RBM4: variants seen among roughly 807,000 people sequenced by gnomAD.
RBM4 encodes the protein RNA binding motif protein 4, also known as RNA-binding protein 4.
Under a neutral mutation model 29.5 loss-of-function variants are expected in RBM4, and 7 were observed. The ratio of observed to expected loss-of-function variants is 0.24; its 90% CI spans 0.14 to 0.45. The LOEUF is 0.45. RBM4 is among the 20% of genes least tolerant of loss of function. RBM4 has a pLI of 1.00. For missense variants in RBM4, 387 were observed against 502.3 expected (o/e 0.77, Z 2.19); for synonymous variants, 220 against 205.4 (o/e 1.07, Z -0.61).
intron 2 of RBM4, among the ~76,000 whole-genome samples, chr11:66,652,765 G>T (rs998818762): frequency 1.3e-5 from 2 of 152,158 alleles, no homozygotes; most frequent in African/African-American, 4.8e-5. Context: ...AGCTACTACA[G>T]AGGCTGAGGT....
downstream of RBM4, chr11:66,649,761 C>T (rs1300229459): frequency 1.4e-6 from 1 of 701,876 alleles, no homozygotes; most frequent in Non-Finnish European, 2.6e-6. Flanking sequence ...ACCCAAGCTG[C>T]AGTGTGGTGG....
intron 2 of RBM4, chr11:66,640,453 C>T (rs1331140372): frequency 2.1e-6 from 1 of 484,140 alleles, no homozygotes; most frequent in East Asian, 3.2e-5. Context: ...GAGCACAGTT[C>T]AGAGTTCCTC....
At position 66,658,255 on chromosome 11, in the gene RBM4, C is replaced by T. The variant is rs190050692; in HGVS notation, c.413-7601C>T. On this transcript the variant is annotated intron_variant, in intron 2 of 2. Coordinates refer to the RBM4 transcript ENST00000396053. ...GGTGGTCAGGTTGGTTTTGAACTCC[C>T]GACCTCAGGTAATCCGCCTGCCTCG... is the stretch of plus-strand genomic sequence containing the variant. Among the ~76,000 whole-genome samples the T allele has an allele frequency of 5.0e-3, 709 of 142,632 alleles. 4 individuals are homozygous for T. The highest frequency in any genetic ancestry group is 0.017 in the African/African-American group (669 of 38,236). The allele number at this position is 142,632 out of a possible 152,430, so 93.6% of individuals were successfully genotyped here.
chr11:66,660,843 G>A (rs1939068175), intron 2 of RBM4, among the ~76,000 whole-genome samples: 1 of 151,714 alleles, frequency 6.6e-6, no homozygotes, highest in South Asian at 2.1e-4. Context: ...TTTTAGTAGA[G>A]GCAGGGTTTC....
chr11:66,644,272 G>A (rs906754909), intron 3 of RBM4, 132 bp downstream of exon 3: 2 of 1,288,122 alleles, frequency 1.6e-6, no homozygotes, highest in African/African-American at 1.5e-5. Flanking sequence ...TGGCTCACAG[G>A]CTAGAGAGAA....
intron 2 of RBM4, among the ~76,000 whole-genome samples, chr11:66,663,144 G>C (rs1255495321): frequency 6.6e-6 from 1 of 152,154 alleles, no homozygotes; most frequent in Non-Finnish European, 1.5e-5. Flanking sequence ...GTAGAGTTGA[G>C]TCCATCATTA....
rs1054466167 is a variant in RBM4, at chr11:66,646,140, C to T, written c.*122C>T. On this transcript the variant is annotated 3_prime_UTR_variant, in exon 4 of 4. Transcript: ENST00000310092. ...TCTGTGCGTTCAGTCCCTCAGGAAC[C>T]GTGGACCTTAATTTACCTTGCTAAG... The T allele has an allele frequency of 1.6e-5, 25 of 1,530,648 alleles. No individual in the cohort carries two copies. Among genetic ancestry groups the T allele is most frequent in the South Asian group, 1.1e-4 (9 of 83,680 alleles). The allele number at this position is 1,530,648 out of a possible 1,614,324, so 94.8% of individuals were successfully genotyped here.
At chr11:66,650,669 C>G (rs547574337), downstream of RBM4, among the ~76,000 whole-genome samples, 17 of 151,760 alleles carry the variant, frequency 1.1e-4, no homozygotes, top group Admixed American at 1.1e-3. Flanking sequence ...CAAGACCATC[C>G]TGGCTAACAA....
chr11:66,647,822 T>C (rs1385190926), downstream of RBM4, among the ~76,000 whole-genome samples: 2 of 152,244 alleles, frequency 1.3e-5, no homozygotes, highest in Non-Finnish European at 2.9e-5. Context: ...TAGAGAATTC[T>C]GTTTAGATGG....
chr11:66,657,939 T>TG (rs1258046346), intron 2 of RBM4, among the ~76,000 whole-genome samples: 3 of 152,102 alleles, frequency 2.0e-5, no homozygotes, highest in African/African-American at 7.2e-5. Flanking sequence ...AGGCTGGTCT[T>TG]GAACTCCTGA....
Position 66,644,099 on chromosome 11 carries a change from G to A in RBM4, c.1062G>A (p.Gln354=). ...ACATGGCCCGGTATGAGCGGGAGCA[G>A]TATGCCGATCGGGCGCGGTACTCAG... is the stretch of plus-strand genomic sequence containing the variant. ...LYDMARYERE[Q]YADRARYSAF The change falls in exon 3 of 4, where the codon CAG becomes CAA. Residue 354 remains glutamine, a synonymous_variant. Coordinates refer to ENST00000310092, the MANE Select transcript of RBM4 (RefSeq NM_002896.4). The A allele has an allele frequency of 6.2e-7, 1 of 1,614,094 alleles. No individual in the cohort carries two copies. The highest frequency in any genetic ancestry group is 1.3e-5 in the African/African-American group (1 of 75,042).
chr11:66,656,651 T>G (rs1478802889), intron 2 of RBM4, among the ~76,000 whole-genome samples: 1 of 152,072 alleles, frequency 6.6e-6, no homozygotes, highest in South Asian at 2.1e-4. Context: ...TGTACTTTTT[T>G]GGGGGGCCTT....
chr11:66,661,992 T>G (rs1483674569), intron 2 of RBM4, among the ~76,000 whole-genome samples: 2 of 152,208 alleles, frequency 1.3e-5, no homozygotes, highest in East Asian at 3.8e-4. Context: ...ATCATGCCAG[T>G]GCACTCCAGC....
chr11:66,662,396 T>TTTTA (rs146773793), intron 2 of RBM4, among the ~76,000 whole-genome samples: 4,762 of 152,012 alleles, frequency 0.031, 254 homozygotes, highest in African/African-American at 0.11. Context: ...ATCAAGATAC[T>TTTTA]TTTATTTATT....
intron 2 of RBM4, among the ~76,000 whole-genome samples, chr11:66,664,145 A>G (rs573171663): frequency 6.6e-6 from 1 of 150,666 alleles, no homozygotes; most frequent in East Asian, 2.0e-4. Flanking sequence ...AGCTGAGATT[A>G]CAGGCATGCA....
intron 3 of RBM4, chr11:66,644,783 T>C: frequency 9.6e-6 from 8 of 834,116 alleles, no homozygotes; most frequent in Non-Finnish European, 1.2e-5. Context: ...TTATCTTTTA[T>C]AAAGTTCCAC....
intron 2 of RBM4, among the ~76,000 whole-genome samples, chr11:66,655,567 A>C (rs1353715990): frequency 6.6e-6 from 1 of 152,208 alleles, no homozygotes; most frequent in East Asian, 1.9e-4. Flanking sequence ...GGAATGAGCC[A>C]TTGCACCCGG....
chr11:66,648,636 G>A (rs1285261595), downstream of RBM4, among the ~76,000 whole-genome samples: 1 of 152,012 alleles, frequency 6.6e-6, no homozygotes, highest in Non-Finnish European at 1.5e-5. Context: ...CCAACTTGGT[G>A]AAACCCCATC....
exon 3 of RBM4, chr11:66,667,143 G>A (rs1210882371): frequency 2.0e-5 from 3 of 152,150 alleles, no homozygotes; most frequent in African/African-American, 2.4e-5. Context: ...CTTTAACCTT[G>A]CTTCTGGGGC....
Sources: allele counts gnomAD v4.1 joint callset (sites outside exome capture counted in the v4.1 genomes callset), GRCh38; gene constraint gnomAD v4.1.1; transcripts MANE v1.5; gene names NCBI Gene and HGNC (gene_info 2026-07-23, HGNC 2026-07-21).